The following CHRDL1 variants were observed in gnomAD, a reference collection of about 807,000 sequenced individuals.
CHRDL1 encodes chordin-like protein 1.
Under a neutral mutation model 40.9 loss-of-function variants are expected in CHRDL1, and 19 were observed. That is an observed-to-expected ratio of 0.46 (90% confidence interval 0.32 to 0.68). The LOEUF (loss-of-function observed/expected upper bound fraction) is 0.68. Among genes scored for constraint, CHRDL1 ranks in the 30% least tolerant of loss-of-function variants. The pLI is 0.03. For missense variants in CHRDL1, 329 were observed against 352.1 expected, an observed-to-expected ratio of 0.93 and a Z score of 0.53; for synonymous variants, 136 against 123.4, an observed-to-expected ratio of 1.10 and a Z score of -0.68.
chrX:110,778,049 T>C (rs769163469), intron 2 of CHRDL1, among the ~76,000 whole-genome samples: 1 of 111,266 alleles, frequency 9.0e-6, no homozygotes, highest in African/African-American at 3.3e-5. Context: ...TGGCTCGCCA[T>C]ATGCAGAAGA....
intron 4 of CHRDL1, among the ~76,000 whole-genome samples, chrX:110,752,947 T>C (rs1406162264): frequency 9.0e-6 from 1 of 111,182 alleles, no homozygotes; most frequent in Admixed American, 9.6e-5. Context: ...TGGCAGTAGG[T>C]ACTCAAAGAA....
chrX:110,685,921 C>T (rs1407380595), intron 9 of CHRDL1, among the ~76,000 whole-genome samples: 3 of 97,050 alleles, frequency 3.1e-5, no homozygotes, highest in African/African-American at 1.2e-4. Flanking sequence ...GATAGGGTCT[C>T]GCTCTGTTCC....
At chrX:110,732,918 G>A (rs1240130992) in intron 4 of CHRDL1, among the ~76,000 whole-genome samples, 1 of 112,064 alleles carries the variant, frequency 8.9e-6, no homozygotes, top group African/African-American at 3.2e-5. Flanking sequence ...GTGTGTGTCA[G>A]AGGTAATCAT....
Position 110,681,622 on chromosome X carries a change from T to C in CHRDL1, c.1016A>G (p.Asn339Ser), listed in dbSNP as rs1455741533. The C allele has an allele frequency of 6.6e-6, 8 of 1,205,134 alleles. No individual in the cohort carries two copies. The highest frequency in any genetic ancestry group is 9.0e-6 in the Non-Finnish European group (8 of 891,793). Reference sequence around the variant, plus strand: ...TTCTTCCCCGCAGAAGTAGCCTTTATTGTCAAAGCTTTGGCCTGGAAGTTC... The same window carrying C: ...TTCTTCCCCGCAGAAGTAGCCTTTACTGTCAAAGCTTTGGCCTGGAAGTTC... ...KEELPGQSFD[N>S]KGYFCGEETM... The change falls in exon 10 of 12, where the codon AAT (asparagine) becomes AGT (serine). Residue 339 changes from asparagine to serine, a missense_variant. Coordinates refer to ENST00000372042, the MANE Select transcript of CHRDL1 (RefSeq NM_001143981.2).
chrX:110,783,567 T>C (rs1673791956), intron 2 of CHRDL1, among the ~76,000 whole-genome samples: 2 of 112,117 alleles, frequency 1.8e-5, no homozygotes, highest in South Asian at 3.7e-4. Flanking sequence ...CAGTATATCA[T>C]CTTGGACAAA....
At chrX:110,794,814 C>T (rs759257030) in intron 1 of CHRDL1, among the ~76,000 whole-genome samples, 4 of 112,147 alleles carry the variant, frequency 3.6e-5, no homozygotes, top group Non-Finnish European at 7.5e-5. Flanking sequence ...CTTGACTGAC[C>T]TTGTAATCTC....
At chrX:110,757,078 C>A (rs1399330384) in intron 4 of CHRDL1, among the ~76,000 whole-genome samples, 1 of 110,476 alleles carries the variant, frequency 9.1e-6, no homozygotes, top group Non-Finnish European at 1.9e-5. Context: ...AATTGGAGAA[C>A]AGAGTTGAAG....
chrX:110,732,791 G>C (rs975377912), intron 4 of CHRDL1, among the ~76,000 whole-genome samples: 1 of 110,136 alleles, frequency 9.1e-6, no homozygotes, highest in African/African-American at 3.3e-5. Context: ...GGGGCAGGGG[G>C]AGGGCCCATG....
At chrX:110,727,057 G>A (rs1340582506) in intron 4 of CHRDL1, among the ~76,000 whole-genome samples, 1 of 112,097 alleles carries the variant, frequency 8.9e-6, no homozygotes, top group Non-Finnish European at 1.9e-5. Flanking sequence ...GCACAAAAAG[G>A]TGTTAAATGA....
chrX:110,791,629 G>A (rs2148542981), intron 2 of CHRDL1, among the ~76,000 whole-genome samples: 1 of 111,927 alleles, frequency 8.9e-6, no homozygotes, highest in South Asian at 3.7e-4. Flanking sequence ...GGAAGGTTTC[G>A]TCCTTCCTCG....
chrX:110,770,906 G>C (rs2089745445), intron 2 of CHRDL1, among the ~76,000 whole-genome samples: 1 of 111,599 alleles, frequency 9.0e-6, no homozygotes, highest in Admixed American at 9.5e-5. Context: ...CAGCACTTTG[G>C]GAGGCCGAAG....
chrX:110,699,746 T>C (rs1360377859), intron 7 of CHRDL1, among the ~76,000 whole-genome samples: 1 of 112,566 alleles, frequency 8.9e-6, no homozygotes, highest in Non-Finnish European at 1.9e-5. Flanking sequence ...TTCACTTTAC[T>C]ACATTTAGAT....
chrX:110,773,723 CAA>C (rs1171179610), intron 2 of CHRDL1, among the ~76,000 whole-genome samples: 160 of 35,356 alleles, frequency 4.5e-3, no homozygotes, highest in African/African-American at 0.014. Flanking sequence ...GAGACTGCCT[CAA>C]AAAAAAAAAA....
intron 2 of CHRDL1, among the ~76,000 whole-genome samples, chrX:110,764,835 GA>G (rs1442822136): frequency 1.8e-5 from 2 of 110,841 alleles, no homozygotes; most frequent in African/African-American, 6.6e-5. Flanking sequence ...TTATGTGGTT[GA>G]GATAAGGACT....
At chrX:110,715,571 A>G (rs747567171) in intron 6 of CHRDL1, among the ~76,000 whole-genome samples, 5 of 111,933 alleles carry the variant, frequency 4.5e-5, no homozygotes, top group Admixed American at 9.5e-5. Context: ...CCAAGATAAC[A>G]GCACTCGTAG....
At chrX:110,685,204 G>A (rs5943048) in intron 9 of CHRDL1, among the ~76,000 whole-genome samples, 46,004 of 111,248 alleles carry the variant, frequency 0.41, 7,392 homozygotes, top group African/African-American at 0.54. Context: ...ACATTTTGCC[G>A]TATGCTCCTC....
intron 2 of CHRDL1, among the ~76,000 whole-genome samples, chrX:110,779,952 G>A (rs760782693): frequency 1.8e-5 from 2 of 110,853 alleles, no homozygotes; most frequent in East Asian, 5.6e-4. Context: ...AAATAATATT[G>A]TATTTTTTAT....
At chrX:110,739,057 T>A (rs1464452897) in intron 4 of CHRDL1, among the ~76,000 whole-genome samples, 2 of 111,859 alleles carry the variant, frequency 1.8e-5, no homozygotes, top group Admixed American at 9.5e-5. Context: ...CCAGAGGCCA[T>A]GTGAATTATG....
chrX:110,773,742 A>T, intron 2 of CHRDL1, among the ~76,000 whole-genome samples: 1 of 108,591 alleles, frequency 9.2e-6, no homozygotes, highest in Admixed American at 9.9e-5. Flanking sequence ...AAAAAAAAAA[A>T]AAAGTATAGT....
Sources: gnomAD v4.1 joint callset for allele counts (sites outside exome capture counted in the v4.1 genomes callset) on GRCh38, gnomAD v4.1.1 for gene constraint, MANE v1.5 for transcripts, NCBI Gene and HGNC (gene_info 2026-07-23, HGNC 2026-07-21) for gene names.